INTS9: variants seen among roughly 807,000 people sequenced by gnomAD.
INTS9 encodes the protein protein related to CPSF subunits of 74 kDa.
INTS9 carries 55 observed loss-of-function variants against 79.7 expected under a neutral mutation model. That is an observed-to-expected ratio of 0.69 (90% CI 0.56 to 0.86). The LOEUF (loss-of-function observed/expected upper bound fraction) is 0.86, where lower values mean the gene tolerates loss of function less well. Ranked by LOEUF, INTS9 falls within the 40% of genes least tolerant of loss-of-function variation. INTS9 has a pLI of 0.00. For missense variants in INTS9, 721 were observed against 831.5 expected (o/e 0.87, Z 1.64); for synonymous variants, 319 against 325.2 (o/e 0.98, Z 0.20).
chr8:28,774,197 C>G (rs991844211), intron 14 of INTS9, among the ~76,000 whole-genome samples: 1 of 152,202 alleles, frequency 6.6e-6, no homozygotes, highest in Non-Finnish European at 1.5e-5. Context: ...GGCACACACA[C>G]AGTGAACAGA....
At chr8:28,862,064 GCA>G (rs1808492487) in intron 1 of INTS9, 1 of 985,242 alleles carries the variant, frequency 1.0e-6, no homozygotes, top group African/African-American at 1.7e-5. Context: ...GTGCACGGGA[GCA>G]CAGAGTGGCT....
At chr8:28,806,888 T>A (rs915769851) in intron 8 of INTS9, among the ~76,000 whole-genome samples, 1 of 152,158 alleles carries the variant, frequency 6.6e-6, no homozygotes, top group Non-Finnish European at 1.5e-5. Flanking sequence ...AGAAACCGGT[T>A]GCTTTAAATA....
intron 1 of INTS9, among the ~76,000 whole-genome samples, chr8:28,889,248 G>A (rs1022507780): frequency 6.6e-6 from 1 of 152,136 alleles, no homozygotes; most frequent in African/African-American, 2.4e-5. Context: ...CAGGTATACC[G>A]AGCACGCTTC....
intron 8 of INTS9, among the ~76,000 whole-genome samples, chr8:28,807,720 A>T (rs1340834130): frequency 1.3e-5 from 2 of 152,210 alleles, no homozygotes; most frequent in East Asian, 3.8e-4. Flanking sequence ...GATAAAGGAG[A>T]CACTCCTTAA....
At chr8:28,811,515 A>G (rs1189805495) in intron 8 of INTS9, among the ~76,000 whole-genome samples, 1 of 150,794 alleles carries the variant, frequency 6.6e-6, no homozygotes, top group Non-Finnish European at 1.5e-5. Context: ...TCCGCTTCCC[A>G]GGCTCAAGCG....
At chr8:28,788,037 C>T in intron 10 of INTS9, 148 bp from the exon 11 acceptor site, 1 of 487,250 alleles carries the variant, frequency 2.1e-6, no homozygotes, top group South Asian at 4.2e-5. Flanking sequence ...AAATCCAGTG[C>T]CTACAGAGAA....
At chr8:28,818,780 C>T (rs1805651730) in intron 6 of INTS9, among the ~76,000 whole-genome samples, 1 of 151,714 alleles carries the variant, frequency 6.6e-6, no homozygotes, top group Non-Finnish European at 1.5e-5. Flanking sequence ...TCCATCTGGT[C>T]CTGGACTCTT....
rs944152233 is a variant in INTS9, at chr8:28,771,684, A to G, written c.1564-604T>C. Among the ~76,000 whole-genome samples the G allele has an allele frequency of 3.9e-5, 6 of 152,262 alleles. No individual in the cohort carries two copies. In the East Asian group the frequency reaches 1.2e-3, roughly 29 times the overall value. On this transcript the variant is annotated intron_variant, in intron 14 of 16. Transcript: ENST00000521022. Reference sequence around the variant, plus strand: ...GTTTCATGAAATAAGAAAACGGCCTATGGCGAGCGTGAAGCGGCCCTTGCC... The same window carrying G: ...GTTTCATGAAATAAGAAAACGGCCTGTGGCGAGCGTGAAGCGGCCCTTGCC...
intron 2 of INTS9, among the ~76,000 whole-genome samples, chr8:28,854,381 C>T (rs936667066): frequency 2.6e-5 from 4 of 151,988 alleles, no homozygotes; most frequent in African/African-American, 4.8e-5. Context: ...AATAAGAGCT[C>T]TGACAGGGGT....
At chr8:28,787,353 A>G (rs1803664463) in intron 11 of INTS9, among the ~76,000 whole-genome samples, 1 of 152,206 alleles carries the variant, frequency 6.6e-6, no homozygotes, top group Non-Finnish European at 1.5e-5. Flanking sequence ...CCAATTTAAA[A>G]AGGTAGTAAT....
intron 1 of INTS9, among the ~76,000 whole-genome samples, chr8:28,867,290 GT>G (rs1431787535): frequency 6.6e-6 from 1 of 152,148 alleles, no homozygotes; most frequent in Non-Finnish European, 1.5e-5. Context: ...GTCGTGGCAT[GT>G]GCCTGTAATC....
intron 15 of INTS9, among the ~76,000 whole-genome samples, chr8:28,770,408 C>G (rs1802462446): frequency 6.6e-6 from 1 of 152,254 alleles, no homozygotes; most frequent in Non-Finnish European, 1.5e-5. Context: ...GGGGAAACCC[C>G]ACCTTTGCCA....
intron 3 of INTS9, among the ~76,000 whole-genome samples, chr8:28,849,110 A>G (rs1488184441): frequency 6.6e-6 from 1 of 152,252 alleles, no homozygotes; most frequent in East Asian, 1.9e-4. Flanking sequence ...ATCTATTACA[A>G]GAGAAAATGC....
intron 8 of INTS9, among the ~76,000 whole-genome samples, chr8:28,807,129 AC>A (rs1341348472): frequency 6.6e-6 from 1 of 152,210 alleles, no homozygotes; most frequent in Non-Finnish European, 1.5e-5. Context: ...ACAGACTTAC[AC>A]AAAAAAGGTT....
intron 14 of INTS9, 103 bp from the exon 15 acceptor site, chr8:28,771,183 C>A: frequency 1.1e-6 from 1 of 923,408 alleles, no homozygotes; most frequent in Non-Finnish European, 1.7e-6. Flanking sequence ...GATGAAATAA[C>A]TTTAAAGGTA....
At chr8:28,771,800 T>C (rs554796449) in intron 14 of INTS9, among the ~76,000 whole-genome samples, 2 of 152,290 alleles carry the variant, frequency 1.3e-5, no homozygotes, top group South Asian at 4.1e-4. Flanking sequence ...GGTGGGAGCT[T>C]TGGGGATGGC....
chr8:28,881,868 C>T (rs1266871719), intron 1 of INTS9, among the ~76,000 whole-genome samples: 43 of 143,540 alleles, frequency 3.0e-4, no homozygotes, highest in Non-Finnish European at 5.8e-4. Context: ...CCGCCCCATC[C>T]GGGAGGTGAG....
chr8:28,780,871 A>G lies in INTS9; in HGVS notation c.1222T>C (p.Phe408Leu). The G allele has an allele frequency of 1.2e-6, 2 of 1,614,178 alleles. No individual in the cohort carries two copies. The highest frequency in any genetic ancestry group is 1.7e-6 in the Non-Finnish European group (2 of 1,180,020). ...PSLRFGDVVH[F>L]MELWGKSSLN... ...CTAGATTTTCCCCAGAGCTCCATGA[A>G]GTGGACCACGTCCCCGAAGCGGAGG... Residue 408 changes from phenylalanine (F) to leucine (L), a missense_variant, in exon 12 of 17, where the codon TTC becomes CTC. By Grantham distance (22) the Phe-to-Leu change is conservative. Transcript: ENST00000521022.
chr8:28,889,498 A>G (rs1214006309), intron 1 of INTS9, among the ~76,000 whole-genome samples: 1 of 152,186 alleles, frequency 6.6e-6, no homozygotes, highest in African/African-American at 2.4e-5. Flanking sequence ...GTAGGGAGAC[A>G]GGATACTCAA....
Sources: allele counts gnomAD v4.1 joint callset (sites outside exome capture counted in the v4.1 genomes callset), GRCh38; gene constraint gnomAD v4.1.1; transcripts MANE v1.5; gene names NCBI Gene and HGNC (gene_info 2026-07-23, HGNC 2026-07-21).